Variants in ABCB4 observed in about 807,000 individuals in gnomAD.
ABCB4 encodes the protein ATP binding cassette subfamily B member 4.
A neutral mutation model predicts 145.7 loss-of-function variants in ABCB4; 76 were observed. That is an observed-to-expected ratio of 0.52 (90% CI 0.43 to 0.63). The LOEUF (loss-of-function observed/expected upper bound fraction) is 0.63, where lower values mean the gene tolerates loss of function less well. ABCB4 is among the 30% of genes least tolerant of loss of function. The probability of loss-of-function intolerance (pLI) is 0.00; values close to 1 mark genes in which losing one functional copy is unlikely to be tolerated. For synonymous variants in ABCB4, 517 were observed against 566.8 expected, an observed-to-expected ratio of 0.91 and a Z score of 1.25; for missense variants, 1,234 against 1,553.1, an observed-to-expected ratio of 0.79 and a Z score of 3.45.
At chr7:87,368,835 C>T in the ABCB4 span, among the ~76,000 whole-genome samples, 1 of 152,178 alleles carries the variant, frequency 6.6e-6, no homozygotes, top group Non-Finnish European at 1.5e-5. Context: ...CCAAAGAAAT[C>T]AGAGATAATC....
intron 22 of ABCB4, among the ~76,000 whole-genome samples, chr7:87,413,008 T>C (rs1808730893): frequency 6.6e-6 from 1 of 152,246 alleles, no homozygotes; most frequent in African/African-American, 2.4e-5. Context: ...TCAAAACTAC[T>C]GTTCCAGTCT....
At chr7:87,387,587 A>G in the ABCB4 span, among the ~76,000 whole-genome samples, 1 of 152,130 alleles carries the variant, frequency 6.6e-6, no homozygotes, top group African/African-American at 2.4e-5. Flanking sequence ...ATTAACACAC[A>G]TTTTGTATAT....
At chr7:87,381,930 G>C in the ABCB4 span, 1 of 1,610,000 alleles carries the variant, frequency 6.2e-7, no homozygotes, top group Non-Finnish European at 8.5e-7. Context: ...TTGATGCAAT[G>C]ATTATGGTGA....
the ABCB4 span, among the ~76,000 whole-genome samples, chr7:87,395,629 G>C: frequency 6.6e-6 from 1 of 152,138 alleles, no homozygotes; most frequent in African/African-American, 2.4e-5. Flanking sequence ...TTACAAGAAG[G>C]CCTGGACCAA....
chr7:87,422,895 A>G (rs1027386532), intron 17 of ABCB4, among the ~76,000 whole-genome samples: 2 of 152,180 alleles, frequency 1.3e-5, no homozygotes, highest in African/African-American at 4.8e-5. Context: ...TTGAGGGCAC[A>G]ACTTGGTTTA....
intron 21 of ABCB4, 49 bp downstream of exon 21, chr7:87,417,263 C>T (rs1197193219): frequency 4.5e-6 from 7 of 1,553,020 alleles, no homozygotes; most frequent in African/African-American, 1.4e-5. Flanking sequence ...AAATAAAACA[C>T]ATGTCTAAAA....
At chr7:87,395,097 A>T in the ABCB4 span, among the ~76,000 whole-genome samples, 2 of 152,218 alleles carry the variant, frequency 1.3e-5, no homozygotes, top group Non-Finnish European at 2.9e-5. Flanking sequence ...TGTAAGAAGC[A>T]TTAACTCACA....
the ABCB4 span, chr7:87,391,443 A>G: frequency 5.3e-4 from 365 of 692,892 alleles, 1 homozygote; most frequent in Admixed American, 9.4e-4. Flanking sequence ...TATTGGAAAT[A>G]GGCTCTTTTT....
intron 14 of ABCB4, among the ~76,000 whole-genome samples, chr7:87,435,055 T>C (rs1810519606): frequency 6.6e-6 from 1 of 152,172 alleles, no homozygotes; most frequent in African/African-American, 2.4e-5. Flanking sequence ...GAAATAACAG[T>C]AGATATAATA....
the ABCB4 span, chr7:87,382,231 A>G: frequency 1.3e-6 from 2 of 1,499,984 alleles, no homozygotes. Context: ...TCTTTTAACA[A>G]CCATATGTAA....
At chr7:87,422,095 G>T in intron 18 of ABCB4, 26 bp downstream of exon 18, 1 of 1,484,672 alleles carries the variant, frequency 6.7e-7, no homozygotes, top group Non-Finnish European at 9.4e-7. Flanking sequence ...TAAACTTGAT[G>T]AGAAAGGCAA....
At chr7:87,396,012 C>A in the ABCB4 span, among the ~76,000 whole-genome samples, 1 of 152,130 alleles carries the variant, frequency 6.6e-6, no homozygotes, top group African/African-American at 2.4e-5. Flanking sequence ...CAATAAATTT[C>A]TACTAGAGAA....
At chr7:87,443,797 C>G in intron 10 of ABCB4, 24 bp from the exon 11 acceptor site, 1 of 1,548,926 alleles carries the variant, frequency 6.5e-7, no homozygotes, top group South Asian at 1.1e-5. Flanking sequence ...AATGTAATGA[C>G]TATTCCATCA....
rs945972946 is a variant in ABCB4, at chr7:87,406,582, T to C, written c.3280-88A>G. On this transcript the variant is annotated intron_variant, in intron 25 of 27. Coordinates refer to ENST00000649586, the MANE Select transcript of ABCB4 (RefSeq NM_000443.4). ...ACTAGATTGTCCATTTGGAGGATCG[T>C]TGCATGAGGGTGTCAGCAGCTTCAA... 125 of 1,424,314 alleles carry C rather than the reference T, an allele frequency of 8.8e-5. No homozygotes were observed. In the South Asian group the frequency reaches 1.5e-3, roughly 17 times the overall value. 88.2% of individuals were successfully genotyped at this position (1,424,314 alleles called of 1,614,324 possible).
downstream of ABCB4, chr7:87,398,633 A>G: frequency 6.2e-7 from 1 of 1,613,222 alleles, no homozygotes; most frequent in Non-Finnish European, 8.5e-7. Flanking sequence ...GATGAACTCT[A>G]CTCATCTTTA....
chr7:87,420,011 G>T lies in ABCB4; in HGVS notation c.2381C>A (p.Ala794Glu). ...GCACACTCCTACCTGTCTTAGCATT[G>T]CTTTAAAAGCCATTGACCGCAGTCT... The part of the protein sequence containing the change: ...TRRLRSMAFK[A>E]MLRQDMSWFD... Residue 794 changes from alanine to glutamate, a missense_variant, in exon 19 of 28, where the codon GCA becomes GAA. Physicochemically the swap from Ala to Glu is moderately radical, Grantham distance 107. Around this residue, in one of 7 missense-constraint regions of ABCB4, gnomAD observed 321 missense variants for 332.6 expected, o/e 0.97. Transcript: ENST00000649586. 2 of 1,613,988 alleles carry T rather than the reference G, an allele frequency of 1.2e-6. No homozygotes were observed. The highest frequency in any genetic ancestry group is 1.7e-6 in the Non-Finnish European group (2 of 1,179,900).
At chr7:87,409,805 A>G (rs1808479441) in intron 23 of ABCB4, among the ~76,000 whole-genome samples, 1 of 152,212 alleles carries the variant, frequency 6.6e-6, no homozygotes, top group Non-Finnish European at 1.5e-5. Flanking sequence ...GTTCCAAGTA[A>G]GCTTTTTCTG....
chr7:87,461,597 T>C (rs937182758), intron 4 of ABCB4, among the ~76,000 whole-genome samples: 2 of 152,180 alleles, frequency 1.3e-5, no homozygotes, highest in African/African-American at 4.8e-5. Flanking sequence ...GTAAGCACAA[T>C]GAAAAATCAC....
chr7:87,465,040 G>A (rs1190289279), intron 3 of ABCB4, among the ~76,000 whole-genome samples: 1 of 152,210 alleles, frequency 6.6e-6, no homozygotes, highest in African/African-American at 2.4e-5. Context: ...AGGACAGTAG[G>A]TGCAGCGCAC....
Sources: allele counts gnomAD v4.1 joint callset (sites outside exome capture counted in the v4.1 genomes callset), GRCh38; gene constraint gnomAD v4.1.1; regional missense constraint gnomAD v4.1.1; transcripts MANE v1.5; gene names NCBI Gene and HGNC (gene_info 2026-07-23, HGNC 2026-07-21).